ADAMTSL1: variants seen among roughly 807,000 people sequenced by gnomAD.
ADAMTSL1 encodes the protein ADAMTS-like protein 1.
In ADAMTSL1, 126 loss-of-function variants were observed where a neutral mutation model predicts 201.8. That is an observed-to-expected ratio of 0.62 (90% CI 0.54 to 0.72). ADAMTSL1 has a LOEUF of 0.72. Ranked by LOEUF, ADAMTSL1 falls within the 30% of genes least tolerant of loss-of-function variation. The probability of loss-of-function intolerance (pLI) is 0.00; values close to 1 mark genes in which losing one functional copy is unlikely to be tolerated. For missense variants in ADAMTSL1, 2,679 were observed against 2,277.8 expected (o/e 1.18, Z -3.59); for synonymous variants, 1,121 against 903.4 (o/e 1.24, Z -4.32).
intron 1 of ADAMTSL1, among the ~76,000 whole-genome samples, chr9:17,982,494 C>G (rs1001809812): frequency 6.6e-6 from 1 of 152,072 alleles, no homozygotes; most frequent in Admixed American, 6.6e-5. Context: ...CGCTTGTAGT[C>G]CCATCTACTC....
At position 17,989,469 on chromosome 9, in the gene ADAMTSL1, TA is replaced by T. The variant is rs1303532865; in HGVS notation, c.87+82554del. 4.6e-5 allele frequency among the ~76,000 whole-genome samples: 7 copies of T among 152,110 alleles called. No homozygotes were observed. In the East Asian group the frequency reaches 9.6e-4, roughly 21 times the overall value. On this transcript the variant is annotated intron_variant, in intron 1 of 29. Coordinates refer to the ADAMTSL1 transcript ENST00000680146. ...GTGTTTTAAAAAATCACTGCATTGA[TA>T]AAAAAATCAATTAGAAAGTCACTGC...
At chr9:18,030,934 C>A (rs1163327553) in intron 1 of ADAMTSL1, among the ~76,000 whole-genome samples, 1 of 151,882 alleles carries the variant, frequency 6.6e-6, no homozygotes, top group Non-Finnish European at 1.5e-5. Context: ...GAATTTTTTT[C>A]CTGAGCTTGG....
At chr9:18,751,467 G>A (rs921847265) in intron 15 of ADAMTSL1, among the ~76,000 whole-genome samples, 1 of 152,114 alleles carries the variant, frequency 6.6e-6, no homozygotes, top group East Asian at 1.9e-4. Flanking sequence ...GTAAAATGAA[G>A]GTAATCAATA....
At chr9:18,439,311 G>T (rs1287988426) in intron 2 of ADAMTSL1, among the ~76,000 whole-genome samples, 1 of 152,192 alleles carries the variant, frequency 6.6e-6, no homozygotes. Context: ...CCTTACTGAG[G>T]ACACCCAGTT....
At chr9:18,303,871 C>T (rs1371540436) in intron 2 of ADAMTSL1, among the ~76,000 whole-genome samples, 1 of 151,996 alleles carries the variant, frequency 6.6e-6, no homozygotes, top group Non-Finnish European at 1.5e-5. Flanking sequence ...TCTTCTGCAC[C>T]CTGCTATGCT....
At chr9:18,554,161 T>C (rs1479519322) in intron 3 of ADAMTSL1, among the ~76,000 whole-genome samples, 1 of 151,302 alleles carries the variant, frequency 6.6e-6, no homozygotes, top group Non-Finnish European at 1.5e-5. Context: ...GTATATGAGT[T>C]CTGTTTTTTT....
intron 2 of ADAMTSL1, among the ~76,000 whole-genome samples, chr9:18,298,638 A>T (rs1028794913): frequency 9.9e-5 from 15 of 151,754 alleles, no homozygotes; most frequent in Non-Finnish European, 1.6e-4. Context: ...ATTACCCTAT[A>T]AAGCAAGCAC....
chr9:18,699,049 A>G (rs946437463), intron 13 of ADAMTSL1, among the ~76,000 whole-genome samples: 1 of 152,238 alleles, frequency 6.6e-6, no homozygotes, highest in African/African-American at 2.4e-5. Flanking sequence ...GATGAATTGG[A>G]ACTTTCAGAG....
At chr9:18,302,231 C>G (rs1342343759) in intron 2 of ADAMTSL1, among the ~76,000 whole-genome samples, 3 of 152,082 alleles carry the variant, frequency 2.0e-5, no homozygotes, top group Non-Finnish European at 4.4e-5. Flanking sequence ...GATGGGGGCT[C>G]TCAGGTCACC....
chr9:18,359,275 T>TCCATCTTTTCCATTCTTCTGCCC (rs1197968266), intron 2 of ADAMTSL1, among the ~76,000 whole-genome samples: 2 of 152,126 alleles, frequency 1.3e-5, no homozygotes, highest in Non-Finnish European at 2.9e-5. Flanking sequence ...CCCTTCAGCC[T>TCCATCTTTTCCATTCTTCTGCCC]CCATCTTTTC....
At chr9:18,142,199 G>C (rs1826429345) in intron 1 of ADAMTSL1, among the ~76,000 whole-genome samples, 1 of 152,160 alleles carries the variant, frequency 6.6e-6, no homozygotes, top group Non-Finnish European at 1.5e-5. Flanking sequence ...TACAGAATGA[G>C]TCTGGAGAGA....
intron 2 of ADAMTSL1, among the ~76,000 whole-genome samples, chr9:18,349,083 C>T (rs796420534): frequency 6.6e-5 from 10 of 152,238 alleles, no homozygotes; most frequent in African/African-American, 2.2e-4. Context: ...GTGGCAGAAA[C>T]ATGGTTTGGA....
chr9:18,134,522 T>C (rs1432978480), intron 1 of ADAMTSL1, among the ~76,000 whole-genome samples: 1 of 152,130 alleles, frequency 6.6e-6, no homozygotes, highest in Non-Finnish European at 1.5e-5. Flanking sequence ...ATATAATTTG[T>C]TGAGATGAGT....
chr9:18,310,502 A>G (rs1834105661), intron 2 of ADAMTSL1, among the ~76,000 whole-genome samples: 2 of 152,060 alleles, frequency 1.3e-5, no homozygotes, highest in Non-Finnish European at 2.9e-5. Context: ...GAACTTAAAC[A>G]AATTTACAAG....
At chr9:18,243,497 A>C (rs1425350903) in intron 2 of ADAMTSL1, among the ~76,000 whole-genome samples, 1 of 151,920 alleles carries the variant, frequency 6.6e-6, no homozygotes, top group Non-Finnish European at 1.5e-5. Flanking sequence ...TGAAATAACG[A>C]ATGTCTTTCT....
chr9:18,613,650 A>C (rs1039611881), intron 4 of ADAMTSL1, among the ~76,000 whole-genome samples: 1 of 152,186 alleles, frequency 6.6e-6, no homozygotes, highest in East Asian at 1.9e-4. Flanking sequence ...CAAATACTGC[A>C]TGTTATCACT....
At chr9:17,943,843 C>A (rs774500866) in intron 1 of ADAMTSL1, among the ~76,000 whole-genome samples, 1 of 151,952 alleles carries the variant, frequency 6.6e-6, no homozygotes, top group Admixed American at 6.6e-5. Flanking sequence ...ATGGTGCAGC[C>A]ATCTGGTTGG....
At chr9:18,798,750 C>T (rs1822589994) in intron 20 of ADAMTSL1, among the ~76,000 whole-genome samples, 1 of 152,196 alleles carries the variant, frequency 6.6e-6, no homozygotes, top group African/African-American at 2.4e-5. Context: ...CAGCAAGATG[C>T]CTGCCATTGA....
intron 2 of ADAMTSL1, among the ~76,000 whole-genome samples, chr9:18,259,691 A>G (rs1831840999): frequency 6.6e-6 from 1 of 152,082 alleles, no homozygotes; most frequent in African/African-American, 2.4e-5. Context: ...AGTTTCCTAA[A>G]TGTGCCAAAC....
Sources: gnomAD v4.1 joint callset for allele counts (sites outside exome capture counted in the v4.1 genomes callset) on GRCh38, gnomAD v4.1.1 for gene constraint, MANE v1.5 for transcripts, NCBI Gene and HGNC (gene_info 2026-07-23, HGNC 2026-07-21) for gene names.